The following JAKMIP2 variants were observed in gnomAD, a reference collection of about 807,000 sequenced individuals.
JAKMIP2 encodes janus kinase and microtubule interacting protein 2, also known as janus kinase and microtubule-interacting protein 2.
Under a neutral mutation model 115.0 loss-of-function variants are expected in JAKMIP2, and 25 were observed. The observed-to-expected ratio is 0.22, with a 90% confidence interval of 0.16 to 0.30. The LOEUF is 0.30. Ranked by LOEUF, JAKMIP2 falls within the 10% of genes least tolerant of loss-of-function variation. JAKMIP2 has a pLI of 1.00. For synonymous variants in JAKMIP2, 334 were observed against 343.6 expected, an observed-to-expected ratio of 0.97 and a Z score of 0.31; for missense variants, 642 against 957.6, an observed-to-expected ratio of 0.67 and a Z score of 4.35.
chr5:147,602,517 C>T (rs1051183495), intron 20 of JAKMIP2, among the ~76,000 whole-genome samples: 1 of 152,138 alleles, frequency 6.6e-6, no homozygotes, highest in Non-Finnish European at 1.5e-5. Flanking sequence ...TGTTCCACCT[C>T]CAAGATAGAC....
intron 16 of JAKMIP2, 68 bp downstream of exon 16, chr5:147,628,683 C>A: frequency 8.4e-7 from 1 of 1,187,944 alleles, no homozygotes; most frequent in Admixed American, 1.8e-5. Context: ...GTCCTTCACA[C>A]CCTAGTCTGC....
intron 7 of JAKMIP2, among the ~76,000 whole-genome samples, chr5:147,642,635 A>G (rs191031800): frequency 7.2e-4 from 109 of 151,910 alleles, no homozygotes; most frequent in African/African-American, 2.6e-3. Flanking sequence ...GTAATGAGTA[A>G]TCTTGTTTAA....
intron 12 of JAKMIP2, among the ~76,000 whole-genome samples, chr5:147,634,942 G>A (rs1223432166): frequency 6.6e-6 from 1 of 152,134 alleles, no homozygotes; most frequent in African/African-American, 2.4e-5. Flanking sequence ...ACTTTGGATT[G>A]ACCTACACAA....
At chr5:147,751,157 C>T (rs1754537368) in intron 1 of JAKMIP2, among the ~76,000 whole-genome samples, 1 of 151,910 alleles carries the variant, frequency 6.6e-6, no homozygotes, top group Non-Finnish European at 1.5e-5. Context: ...CTACAAGCTC[C>T]GCCTACCGGA....
intron 1 of JAKMIP2, among the ~76,000 whole-genome samples, chr5:147,764,927 A>AGACAGAGAGAGAGAGG (rs1755071976): frequency 1.1e-5 from 1 of 88,598 alleles, no homozygotes. Context: ...AGAAAGAGAG[A>AGACAGAGAGAGAGAGG]GAGAGAGAGA....
chr5:147,714,910 G>A (rs13360169), intron 1 of JAKMIP2, among the ~76,000 whole-genome samples: 3,676 of 152,140 alleles, frequency 0.024, 161 homozygotes, highest in African/African-American at 0.084. Context: ...TTATACAAAA[G>A]GGAAATGATA....
At chr5:147,753,948 G>A (rs1754653147) in intron 1 of JAKMIP2, among the ~76,000 whole-genome samples, 1 of 151,970 alleles carries the variant, frequency 6.6e-6, no homozygotes, top group South Asian at 2.1e-4. Context: ...TTGTCTGAGT[G>A]GCTAATGAAT....
At chr5:147,746,409 A>T (rs552329601) in intron 1 of JAKMIP2, among the ~76,000 whole-genome samples, 1 of 152,152 alleles carries the variant, frequency 6.6e-6, no homozygotes, top group Non-Finnish European at 1.5e-5. Context: ...TCTGTGGCCA[A>T]TTGCCCTTCT....
At chr5:147,674,916 T>A (rs1006164469) in intron 1 of JAKMIP2, among the ~76,000 whole-genome samples, 1 of 152,148 alleles carries the variant, frequency 6.6e-6, no homozygotes, top group Non-Finnish European at 1.5e-5. Flanking sequence ...GTTAGGCTGA[T>A]TTAATGGTCC....
At position 147,661,493 on chromosome 5, in the gene JAKMIP2, C is replaced by T. The variant is rs193179813; in HGVS notation, c.130-48G>A. The T allele has an allele frequency of 2.4e-5, 37 of 1,555,990 alleles. No individual in the cohort carries two copies. The Middle Eastern group carries it at 1.2e-3, about 52-fold the overall frequency. ...ATGAAGAGAAATGAGCCTCAAAGGA[C>T]GGGTGTGCTCCTAGGCAGGATTTGC... is the stretch of plus-strand genomic sequence containing the variant. On this transcript the variant is annotated intron_variant, in intron 2 of 21. Transcript: ENST00000616793.
intron 1 of JAKMIP2, among the ~76,000 whole-genome samples, chr5:147,781,935 G>A (rs1047780857): frequency 1.3e-5 from 2 of 152,124 alleles, no homozygotes; most frequent in Middle Eastern, 3.2e-3. Flanking sequence ...TCTTGCAAAT[G>A]ATTTCTCAAC....
At chr5:147,680,082 G>A (rs6580493) in intron 1 of JAKMIP2, among the ~76,000 whole-genome samples, 28,351 of 152,068 alleles carry the variant, frequency 0.19, 3,392 homozygotes, top group African/African-American at 0.34. Context: ...TGTAAAATAG[G>A]AAAAGTGCTG....
intron 21 of JAKMIP2, chr5:147,595,589 T>G (rs1755338080): frequency 2.2e-6 from 1 of 453,470 alleles, no homozygotes; most frequent in Non-Finnish European, 4.4e-6. Context: ...CTCAGGTATT[T>G]TGTTATAATA....
At chr5:147,712,977 C>T (rs1327078925) in intron 1 of JAKMIP2, among the ~76,000 whole-genome samples, 3 of 151,760 alleles carry the variant, frequency 2.0e-5, no homozygotes, top group South Asian at 2.1e-4. Flanking sequence ...ATATGGATAA[C>T]GATTTAAAAA....
intron 1 of JAKMIP2, among the ~76,000 whole-genome samples, chr5:147,720,034 G>C (rs981659628): frequency 6.6e-5 from 10 of 152,022 alleles, no homozygotes; most frequent in African/African-American, 2.4e-4. Flanking sequence ...GCTCTTTTAG[G>C]GCAGGCCTGG....
At chr5:147,676,138 G>C (rs1034746135) in intron 1 of JAKMIP2, among the ~76,000 whole-genome samples, 2 of 152,024 alleles carry the variant, frequency 1.3e-5, no homozygotes, top group Admixed American at 6.5e-5. Flanking sequence ...TCAAGACCAT[G>C]CTGGCTAACG....
At chr5:147,670,977 G>C (rs1759551398) in intron 2 of JAKMIP2, among the ~76,000 whole-genome samples, 1 of 152,192 alleles carries the variant, frequency 6.6e-6, no homozygotes, top group South Asian at 2.1e-4. Flanking sequence ...GCTATGGGGA[G>C]TACCTGACAA....
rs781046321 is a variant in JAKMIP2, at chr5:147,632,727, C to T, written c.1729G>A (p.Ala577Thr). ...NHRLQQELQD[A>T]RDQNELLEFR... The stretch of plus-strand genomic sequence containing the variant: ...TCCAGCAGCTCATTCTGGTCTCTGG[C>T]GTCCTGTAGTTCTTGTTGTAACCGG... Residue 577 changes from alanine to threonine, a missense_variant, in exon 13 of 22, where the codon GCC (alanine) becomes ACC (threonine). Ala to Thr is a moderately conservative substitution (Grantham distance 58). Coordinates refer to ENST00000616793, the MANE Select transcript of JAKMIP2 (RefSeq NM_001270941.2). 8 of 1,613,186 alleles carry T rather than the reference C, an allele frequency of 5.0e-6. No homozygotes were observed. Among genetic ancestry groups the T allele is most frequent in the African/African-American group, 2.7e-5 (2 of 74,852 alleles).
intron 1 of JAKMIP2, among the ~76,000 whole-genome samples, chr5:147,695,171 C>T (rs1338858777): frequency 6.6e-6 from 1 of 151,986 alleles, no homozygotes; most frequent in African/African-American, 2.4e-5. Context: ...TTTTTTTGTA[C>T]TAAGTTTGGC....
Sources: allele counts gnomAD v4.1 joint callset (sites outside exome capture counted in the v4.1 genomes callset), GRCh38; gene constraint gnomAD v4.1.1; transcripts MANE v1.5; gene names NCBI Gene and HGNC (gene_info 2026-07-23, HGNC 2026-07-21).